Variants in SETX observed in about 807,000 individuals in gnomAD.
SETX encodes the protein senataxin.
Under a neutral mutation model 227.2 loss-of-function variants are expected in SETX, and 90 were observed. That is an observed-to-expected ratio of 0.40 (90% confidence interval 0.33 to 0.47). The LOEUF is 0.47. SETX is among the 20% of genes least tolerant of loss of function. The probability of loss-of-function intolerance (pLI) is 0.91; values close to 1 mark genes in which losing one functional copy is unlikely to be tolerated. For synonymous variants in SETX, 1,210 were observed against 1,113.2 expected, an observed-to-expected ratio of 1.09 and a Z score of -1.73; for missense variants, 3,052 against 3,181.5, an observed-to-expected ratio of 0.96 and a Z score of 0.98.
intron 15 of SETX, among the ~76,000 whole-genome samples, chr9:132,290,886 G>A (rs575105890): frequency 5.9e-5 from 9 of 152,036 alleles, no homozygotes; most frequent in African/African-American, 2.2e-4. Flanking sequence ...ATATCACTGG[G>A]CTAAATTATG....
intron 18 of SETX, 73 bp from the exon 19 acceptor site, chr9:132,283,486 T>C (rs1843659220): frequency 6.6e-6 from 10 of 1,521,574 alleles, no homozygotes; most frequent in Non-Finnish European, 9.1e-6. Flanking sequence ...ATGTTTACTA[T>C]AAAACACTCA....
intron 2 of SETX, among the ~76,000 whole-genome samples, chr9:132,352,467 G>A (rs1848650984): frequency 2.6e-5 from 4 of 152,192 alleles, no homozygotes; most frequent in Non-Finnish European, 5.9e-5. Context: ...AAAACTTAAT[G>A]CAGGCAGGGC....
intron 22 of SETX, 36 bp downstream of exon 22, chr9:132,277,024 G>T: frequency 6.6e-7 from 1 of 1,508,950 alleles, no homozygotes; most frequent in Non-Finnish European, 9.2e-7. Flanking sequence ...AACAATTCTG[G>T]GACTATCAGA....
At chr9:132,273,088 C>CA (rs59172554) in intron 23 of SETX, among the ~76,000 whole-genome samples, 10,964 of 151,514 alleles carry the variant, frequency 0.072, 782 homozygotes, top group East Asian at 0.38. Context: ...AAAAAACACA[C>CA]AAAAAATGCA....
intron 10 of SETX, among the ~76,000 whole-genome samples, chr9:132,315,530 T>C (rs77896509): frequency 6.6e-6 from 1 of 152,200 alleles, no homozygotes; most frequent in Non-Finnish European, 1.5e-5. Flanking sequence ...GAATTCGCTC[T>C]AAGAACACTC....
chr9:132,331,238 T>G, intron 8 of SETX, 39 bp downstream of exon 8: 2 of 1,612,592 alleles, frequency 1.2e-6, no homozygotes, highest in South Asian at 2.2e-5. Context: ...CACTTTCTTA[T>G]AGAGATGATG....
intron 18 of SETX, 78 bp downstream of exon 18, chr9:132,286,345 G>C (rs997885717): frequency 4.6e-5 from 47 of 1,032,514 alleles, no homozygotes; most frequent in Non-Finnish European, 6.6e-5. Flanking sequence ...AAAGCCCATA[G>C]CTTGTCTGAA....
At chr9:132,354,223 A>G (rs1848759540) in intron 1 of SETX, among the ~76,000 whole-genome samples, 1 of 152,160 alleles carries the variant, frequency 6.6e-6, no homozygotes, top group African/African-American at 2.4e-5. Context: ...CAAGTGGGAG[A>G]AACAGACTCT....
rs1843284661 is a variant in SETX at position 132,278,252 on chromosome 9, T to C, written c.6660A>G (p.Ala2220=). The C allele has an allele frequency of 1.2e-6, 2 of 1,614,154 alleles. No homozygotes were observed. Among genetic ancestry groups the C allele is most frequent in the East Asian group, 2.2e-5 (1 of 44,884 alleles). ...QLPPTVISMK[A]QEYGYDQSMM... is the part of the protein sequence containing the mutation. The stretch of plus-strand genomic sequence containing the variant: ...TTGACTGGTCGTAGCCATACTCCTG[T>C]GCTTTCTGTGAGGGGCAAAATAAAG... Residue 2220 remains alanine, a synonymous_variant, in exon 21 of 26, where the codon GCA becomes GCG. Transcript: ENST00000224140.
In SETX at chr9:132,328,250, A is replaced by G. The variant is rs1019697868; in HGVS notation, c.3348T>C (p.Asn1116=). Reference sequence around the variant, plus strand: ...CTGTACAACCCTGACCATTTGTAGTATTGGCTATAGGAGCCAAACATTTTT... The same window carrying G: ...CTGTACAACCCTGACCATTTGTAGTGTTGGCTATAGGAGCCAAACATTTTT... The part of the protein sequence containing the change: ...GEKKCLAPIA[N]TTNGQGCTDY... The change falls in exon 10 of 26, where the codon AAT becomes AAC. Residue 1116 remains asparagine (N), a synonymous_variant. Transcript: ENST00000224140. The G allele has an allele frequency of 6.2e-7, 1 of 1,614,162 alleles. No homozygotes were observed. The highest frequency in any genetic ancestry group is 1.1e-5 in the South Asian group (1 of 91,076).
rs1258279869 is a variant in SETX at position 132,328,815 on chromosome 9, C to T, written c.2783G>A (p.Ser928Asn). 1.9e-6 allele frequency: 3 copies of T among 1,611,890 alleles called. No homozygotes were observed. In the Admixed American group the frequency reaches 5.0e-5, roughly 27 times the overall value. The change falls in exon 10 of 26, where the codon AGT (serine) becomes AAT (asparagine). Residue 928 changes from serine to asparagine, a missense_variant. Physicochemically the swap from Ser to Asn is conservative, Grantham distance 46. Coordinates refer to ENST00000224140, the MANE Select transcript of SETX (RefSeq NM_015046.7). ...TVPESRDEEM[S>N]NSTSVIYSNL... The stretch of plus-strand genomic sequence containing the variant: ...AGAATAAATCACACTGGTACTATTA[C>T]TCATCTCCTCATCTCTTGATTCAGG...
intron 25 of SETX, among the ~76,000 whole-genome samples, chr9:132,267,291 G>A (rs1376361010): frequency 6.6e-6 from 1 of 152,176 alleles, no homozygotes; most frequent in Non-Finnish European, 1.5e-5. Context: ...AGGCTCTGGG[G>A]GCTCAGTTCT....
In SETX at chr9:132,296,634, G is replaced by A. The variant is rs75403090; in HGVS notation, c.5949+253C>T. ...TTCACAGCATTCTACGTGACCTACC[G>A]TGAAGCCTGAAGACCATCATTCTAG... On this transcript the variant is annotated intron_variant, in intron 14 of 25. Coordinates refer to ENST00000224140, the MANE Select transcript of SETX (RefSeq NM_015046.7). Among the ~76,000 whole-genome samples, 8,835 of 151,412 alleles carry A rather than the reference G, an allele frequency of 0.058. 421 individuals are homozygous for A. The highest frequency in any genetic ancestry group is 0.17 in the East Asian group (867 of 5,164).
rs954779253 is a variant in SETX at position 132,264,233 on chromosome 9, G to T, written c.*6C>A. On this transcript the variant is annotated 3_prime_UTR_variant, in exon 26 of 26. Coordinates refer to ENST00000224140, the MANE Select transcript of SETX (RefSeq NM_015046.7). The stretch of plus-strand genomic sequence containing the variant: ...TGTGGCTGCTGGCCCATGTCACTGG[G>T]CTTTCCTATAAAAGCTTTCTTTTCT... 1.9e-6 allele frequency: 3 copies of T among 1,613,912 alleles called. No homozygotes were observed. In the Admixed American group the frequency reaches 5.0e-5, roughly 27 times the overall value.
rs1846875644 is a variant in SETX at position 132,327,339 on chromosome 9, T to G, written c.4259A>C (p.Glu1420Ala). The G allele has an allele frequency of 1.9e-6, 3 of 1,614,112 alleles. No homozygotes were observed. The South Asian group carries it at 3.3e-5, about 18-fold the overall frequency. Residue 1420 changes from glutamate (E) to alanine (A), a missense_variant, in exon 10 of 26, where the codon GAA becomes GCA. This residue lies in a region of SETX where 1,483 missense variants were observed against 1,312.0 expected (regional missense o/e 1.13). Transcript: ENST00000224140. ...ATGTTTTGCTTTTATGGTTTCTGGTTCAGAAGGCATGCATTTTATTAACTG... is the reference window on the plus strand; with the variant it reads ...ATGTTTTGCTTTTATGGTTTCTGGTGCAGAAGGCATGCATTTTATTAACTG... ...RKQLIKCMPS[E>A]PETIKAKHGS...
At chr9:132,318,207 T>A (rs757386270) in intron 10 of SETX, among the ~76,000 whole-genome samples, 3 of 152,232 alleles carry the variant, frequency 2.0e-5, no homozygotes, top group Non-Finnish European at 4.4e-5. Context: ...AACTAGCTCC[T>A]GTTTGTTGTT....
intron 18 of SETX, among the ~76,000 whole-genome samples, chr9:132,284,664 C>A (rs1317240949): frequency 6.6e-6 from 1 of 152,174 alleles, no homozygotes. Flanking sequence ...TGATCCAACA[C>A]AAGTACAGGG....
intron 14 of SETX, 74 bp downstream of exon 14, chr9:132,296,813 T>C (rs1414974368): frequency 7.7e-7 from 1 of 1,294,832 alleles, no homozygotes; most frequent in African/African-American, 1.5e-5. Flanking sequence ...AATACTTATT[T>C]ACATGTCAGT....
In SETX at chr9:132,329,332, C is replaced by T; in HGVS notation, c.2266G>A (p.Glu756Lys). ...TCTTCATTCGATGTGGACACTTTTT[C>T]CAAAGCATCAGTGCTAGAATCAGTC... Reference protein sequence around the residue: ...LLTDSSTDALEKVSTSNEDFS... With the variant: ...LLTDSSTDALKKVSTSNEDFS... Residue 756 changes from glutamate to lysine, a missense_variant, in exon 10 of 26, where the codon GAA becomes AAA. By Grantham distance (56) the Glu-to-Lys change is moderately conservative. Around this residue, in one of 10 missense-constraint regions of SETX, gnomAD observed 1,483 missense variants for 1,312.0 expected, o/e 1.13. Coordinates refer to ENST00000224140, the MANE Select transcript of SETX (RefSeq NM_015046.7). 6.2e-7 allele frequency: 1 copy of T among 1,613,762 alleles called. No homozygotes were observed. The highest frequency in any genetic ancestry group is 1.1e-5 in the South Asian group (1 of 90,986).
Sources: gnomAD v4.1 joint callset for allele counts (sites outside exome capture counted in the v4.1 genomes callset) on GRCh38, gnomAD v4.1.1 for gene constraint, gnomAD v4.1.1 regional missense constraint, MANE v1.5 for transcripts, NCBI Gene and HGNC (gene_info 2026-07-23, HGNC 2026-07-21) for gene names.